The following NRG3 variants were observed in gnomAD, a reference collection of about 807,000 sequenced individuals.
NRG3 encodes the protein pro-neuregulin-3, membrane-bound isoform.
Under a neutral mutation model 66.9 loss-of-function variants are expected in NRG3, and 31 were observed. That is an observed-to-expected ratio of 0.46 (90% CI 0.35 to 0.63). The LOEUF is 0.63. NRG3 is among the 20% of genes least tolerant of loss of function. The pLI is 0.00. For missense variants in NRG3, 910 were observed against 878.9 expected, an observed-to-expected ratio of 1.04 and a Z score of -0.45; for synonymous variants, 393 against 359.4, an observed-to-expected ratio of 1.09 and a Z score of -1.06.
At chr10:82,084,154 G>C (rs2065576191) in intron 1 of NRG3, among the ~76,000 whole-genome samples, 1 of 151,988 alleles carries the variant, frequency 6.6e-6, no homozygotes, top group Admixed American at 6.6e-5. Context: ...CTTGAACCTG[G>C]GAGGCAGAGG....
At chr10:82,569,951 T>C (rs973667735) in intron 2 of NRG3, among the ~76,000 whole-genome samples, 1 of 151,670 alleles carries the variant, frequency 6.6e-6, no homozygotes, top group Non-Finnish European at 1.5e-5. Context: ...TGTTTATTTT[T>C]TTCTGCAAAT....
chr10:82,330,575 A>G (rs918139888), intron 1 of NRG3, among the ~76,000 whole-genome samples: 1 of 152,192 alleles, frequency 6.6e-6, no homozygotes, highest in African/African-American at 2.4e-5. Flanking sequence ...ATATTTGAAC[A>G]ACATTTTTTT....
intron 4 of NRG3, among the ~76,000 whole-genome samples, chr10:82,914,968 C>T (rs1439272131): frequency 1.3e-5 from 2 of 152,024 alleles, no homozygotes; most frequent in African/African-American, 4.8e-5. Flanking sequence ...TTTCTTTTCC[C>T]CTGCCAGATG....
intron 4 of NRG3, among the ~76,000 whole-genome samples, chr10:82,874,697 T>C (rs1841650919): frequency 6.6e-6 from 1 of 152,186 alleles, no homozygotes; most frequent in Admixed American, 6.5e-5. Flanking sequence ...ATCTTACAAA[T>C]GACAAAACCT....
intron 1 of NRG3, among the ~76,000 whole-genome samples, chr10:82,113,179 T>C (rs2067492531): frequency 6.6e-6 from 1 of 152,180 alleles, no homozygotes; most frequent in Non-Finnish European, 1.5e-5. Flanking sequence ...GTGGGCTAAA[T>C]GCTTTTCATG....
At chr10:82,711,568 TGA>T (rs1431980503) in intron 2 of NRG3, among the ~76,000 whole-genome samples, 12 of 137,990 alleles carry the variant, frequency 8.7e-5, no homozygotes, top group Admixed American at 2.2e-4. Flanking sequence ...TGTGTGTGTG[TGA>T]GATGGTGCAT....
At chr10:82,318,495 A>G (rs997034430) in intron 1 of NRG3, among the ~76,000 whole-genome samples, 7 of 152,194 alleles carry the variant, frequency 4.6e-5, no homozygotes, top group African/African-American at 1.7e-4. Flanking sequence ...TCCAAACTCA[A>G]CAGGGCATGC....
intron 1 of NRG3, among the ~76,000 whole-genome samples, chr10:81,902,946 C>T (rs1330421645): frequency 6.6e-6 from 1 of 152,154 alleles, no homozygotes; most frequent in Non-Finnish European, 1.5e-5. Context: ...TAAACAACAT[C>T]TCACTCAGTT....
chr10:82,713,818 T>C (rs1319748867), intron 2 of NRG3, among the ~76,000 whole-genome samples: 2 of 152,222 alleles, frequency 1.3e-5, no homozygotes, highest in East Asian at 3.8e-4. Flanking sequence ...GAAACCTATA[T>C]GACCACACTG....
At chr10:82,581,785 C>T (rs1002976438) in intron 2 of NRG3, among the ~76,000 whole-genome samples, 1 of 151,998 alleles carries the variant, frequency 6.6e-6, no homozygotes, top group African/African-American at 2.4e-5. Context: ...GAAAAAACTT[C>T]TTCCCAAACC....
rs146603249 is a variant in NRG3 at position 82,251,730 on chromosome 10, G to T, written c.824-107009G>T. The stretch of plus-strand genomic sequence containing the variant: ...AGAATTGGGCAAGGTAGGGATCTTC[G>T]TTAAAAAGCACCATGTGGTCACCGG... On this transcript the variant is annotated intron_variant, in intron 1 of 8. Coordinates refer to ENST00000372141, the MANE Select transcript of NRG3 (RefSeq NM_001010848.4). Among the ~76,000 whole-genome samples the T allele has an allele frequency of 3.5e-3, 528 of 152,276 alleles. 2 individuals are homozygous for T. The highest frequency in any genetic ancestry group is 0.011 in the African/African-American group (458 of 41,560).
chr10:82,653,941 A>G (rs1235718697), intron 2 of NRG3, among the ~76,000 whole-genome samples: 1 of 152,184 alleles, frequency 6.6e-6, no homozygotes, highest in East Asian at 1.9e-4. Context: ...GCAAAGCCAG[A>G]GATTACGTAC....
chr10:82,452,839 C>T (rs2091081065), intron 2 of NRG3, among the ~76,000 whole-genome samples: 1 of 152,180 alleles, frequency 6.6e-6, no homozygotes, highest in Non-Finnish European at 1.5e-5. Flanking sequence ...CCATTGAGCA[C>T]ATGGCAAGGA....
At chr10:81,942,839 T>C (rs1848514823) in intron 1 of NRG3, among the ~76,000 whole-genome samples, 1 of 152,174 alleles carries the variant, frequency 6.6e-6, no homozygotes, top group African/African-American at 2.4e-5. Context: ...ATGATATAAT[T>C]ATCAAAATAT....
At chr10:82,032,469 C>A (rs1359774598) in intron 1 of NRG3, among the ~76,000 whole-genome samples, 2 of 151,780 alleles carry the variant, frequency 1.3e-5, no homozygotes, top group African/African-American at 4.8e-5. Context: ...TTTTTAAATG[C>A]AATGGAGGGA....
At chr10:82,469,543 A>G (rs543189481) in intron 2 of NRG3, among the ~76,000 whole-genome samples, 216 of 152,224 alleles carry the variant, frequency 1.4e-3, no homozygotes, top group Non-Finnish European at 2.4e-3. Flanking sequence ...AAAACTGACA[A>G]AGACGTACAG....
At chr10:82,315,680 T>TG (rs1308678003) in intron 1 of NRG3, among the ~76,000 whole-genome samples, 4 of 151,602 alleles carry the variant, frequency 2.6e-5, no homozygotes, top group African/African-American at 9.7e-5. Context: ...TTTTTTTTTT[T>TG]TTTGAGACGG....
chr10:82,513,381 T>C (rs1845372358), intron 2 of NRG3, among the ~76,000 whole-genome samples: 1 of 152,196 alleles, frequency 6.6e-6, no homozygotes, highest in Non-Finnish European at 1.5e-5. Context: ...GTTGACTCCA[T>C]GTCTTTGCTA....
intron 1 of NRG3, among the ~76,000 whole-genome samples, chr10:81,965,473 A>G (rs867399859): frequency 2.4e-4 from 36 of 152,336 alleles, no homozygotes; most frequent in Middle Eastern, 6.8e-3. Flanking sequence ...GTCAAATTTC[A>G]TAGAAAAGTC....
Sources: allele counts gnomAD v4.1 joint callset (sites outside exome capture counted in the v4.1 genomes callset), GRCh38; gene constraint gnomAD v4.1.1; transcripts MANE v1.5; gene names NCBI Gene and HGNC (gene_info 2026-07-23, HGNC 2026-07-21).